The following PKP4 variants were observed in gnomAD, a reference collection of about 807,000 sequenced individuals.
The protein encoded by PKP4 is plakophilin-4.
A neutral mutation model predicts 145.1 loss-of-function variants in PKP4; 90 were observed. That is an observed-to-expected ratio of 0.62 (90% CI 0.52 to 0.74). The LOEUF (loss-of-function observed/expected upper bound fraction) is 0.74. Among genes scored for constraint, PKP4 ranks in the 30% least tolerant of loss-of-function variants. The probability of loss-of-function intolerance (pLI) is 0.00; values close to 1 mark genes in which losing one functional copy is unlikely to be tolerated. For missense variants in PKP4, 1,340 were observed against 1,482.7 expected, an observed-to-expected ratio of 0.90 and a Z score of 1.58; for synonymous variants, 563 against 577.2, an observed-to-expected ratio of 0.98 and a Z score of 0.35.
intron 1 of PKP4, among the ~76,000 whole-genome samples, chr2:158,525,955 A>C (rs1469104549): frequency 6.6e-6 from 1 of 151,340 alleles, no homozygotes; most frequent in Non-Finnish European, 1.5e-5. Flanking sequence ...ATCTCTGAAT[A>C]GACCAATAAC....
rs374312548 is a variant in PKP4, at chr2:158,610,155, G to A, written c.280+7051G>A. Among the ~76,000 whole-genome samples the A allele has an allele frequency of 7.9e-5, 12 of 151,984 alleles. 2 individuals are homozygous for A. The highest frequency in any genetic ancestry group is 6.6e-4 in the Admixed American group (10 of 15,254). On this transcript the variant is annotated intron_variant, in intron 4 of 21. Coordinates refer to ENST00000389759, the MANE Select transcript of PKP4 (RefSeq NM_003628.6). ...GCACATCTTTTGTGTTTTTTTATGA[G>A]GAGCAGTTTATTTATGTTTCAGCTT...
chr2:158,505,033 G>C (rs1227814683), intron 1 of PKP4, among the ~76,000 whole-genome samples: 2 of 152,142 alleles, frequency 1.3e-5, no homozygotes, highest in African/African-American at 4.8e-5. Context: ...AGTGTTTTCA[G>C]GTGGAAATTA....
intron 1 of PKP4, among the ~76,000 whole-genome samples, chr2:158,499,234 A>G (rs1696201243): frequency 6.6e-6 from 1 of 152,096 alleles, no homozygotes; most frequent in Admixed American, 6.5e-5. Flanking sequence ...TTAATTAAAA[A>G]ATGGGCCCCT....
In PKP4 at chr2:158,533,332, G is replaced by C. The variant is rs1474171570; in HGVS notation, c.132+16G>C. 9.3e-6 allele frequency: 15 copies of C among 1,613,518 alleles called. No individual in the cohort carries two copies. The highest frequency in any genetic ancestry group is 2.7e-5 in the African/African-American group (2 of 74,918). Reference sequence around the variant, plus strand: ...GAAGGAGCAGGTACATCCTCGTATTGAAAGTTGCAGTGAATTATTTCTTTA... The same window carrying C: ...GAAGGAGCAGGTACATCCTCGTATTCAAAGTTGCAGTGAATTATTTCTTTA... On this transcript the variant is annotated intron_variant, in intron 2 of 21. Transcript: ENST00000389759.
Position 158,577,156 on chromosome 2 carries a change from A to G in PKP4, c.133-115A>G, listed in dbSNP as rs6712810. On this transcript the variant is annotated intron_variant, in intron 2 of 21. Transcript: ENST00000389759. The stretch of plus-strand genomic sequence containing the variant: ...AAATTGCATTTCACAAAGCCACACC[A>G]TAGCTTTATGTTATGGGTACGTTCC... 0.033 allele frequency: 19,239 copies of G among 588,318 alleles called. 1,126 individuals carry two copies. Among genetic ancestry groups the G allele is most frequent in the African/African-American group, 0.19 (9,695 of 52,138 alleles). 36.4% of individuals were successfully genotyped at this position (588,318 alleles called of 1,614,324 possible).
intron 1 of PKP4, among the ~76,000 whole-genome samples, chr2:158,516,658 CTTTT>C (rs764067744): frequency 7.5e-6 from 1 of 132,460 alleles, no homozygotes; most frequent in Non-Finnish European, 1.6e-5. Context: ...ATATACTTTT[CTTTT>C]TTTTTTTTTT....
At chr2:158,613,985 A>G (rs2105876629) in intron 4 of PKP4, among the ~76,000 whole-genome samples, 1 of 152,298 alleles carries the variant, frequency 6.6e-6, no homozygotes, top group Non-Finnish European at 1.5e-5. Context: ...AAATTGAGGG[A>G]CTTAAATCAG....
chr2:158,468,955 G>GT (rs1048299857), intron 1 of PKP4, among the ~76,000 whole-genome samples: 4 of 151,260 alleles, frequency 2.6e-5, no homozygotes, highest in African/African-American at 9.7e-5. Context: ...TTTTGTTTTT[G>GT]TTTTTTGTAG....
At chr2:158,583,490 C>T (rs998448577) in intron 3 of PKP4, among the ~76,000 whole-genome samples, 1 of 152,148 alleles carries the variant, frequency 6.6e-6, no homozygotes, top group Non-Finnish European at 1.5e-5. Flanking sequence ...CTGAATCTAT[C>T]ATTCAGAGAT....
At chr2:158,581,618 G>A (rs1239156464) in intron 3 of PKP4, among the ~76,000 whole-genome samples, 6 of 152,154 alleles carry the variant, frequency 3.9e-5, no homozygotes, top group African/African-American at 1.2e-4. Context: ...CCTCTTCCCC[G>A]AATGGGTGGC....
intron 7 of PKP4, among the ~76,000 whole-genome samples, chr2:158,626,760 CTG>C (rs2052834400): frequency 6.6e-6 from 1 of 152,132 alleles, no homozygotes; most frequent in Non-Finnish European, 1.5e-5. Flanking sequence ...TGAGTTATGA[CTG>C]AGGTTGAAGA....
chr2:158,529,182 C>T (rs1197891262), intron 1 of PKP4, among the ~76,000 whole-genome samples: 1 of 152,176 alleles, frequency 6.6e-6, no homozygotes, highest in Non-Finnish European at 1.5e-5. Flanking sequence ...TCCGTTATTG[C>T]TCCAACCTTT....
chr2:158,515,967 C>T (rs2041904664), intron 1 of PKP4, among the ~76,000 whole-genome samples: 1 of 151,616 alleles, frequency 6.6e-6, no homozygotes, highest in Non-Finnish European at 1.5e-5. Flanking sequence ...GATCGTGTGA[C>T]CTAGGAGTTC....
rs1379739584 is a variant in PKP4 at position 158,615,104 on chromosome 2, G to A, written c.281-5886G>A. Among the ~76,000 whole-genome samples, 9 of 151,590 alleles carry A rather than the reference G, an allele frequency of 5.9e-5. 1 individual carries two copies. The South Asian group carries it at 1.9e-3, about 31-fold the overall frequency. ...TGATAGTGAATATCATCCTTTATAGGTTTGTGTTTTTAAGAAGGTTTTTTT... is the reference window on the plus strand; with the variant it reads ...TGATAGTGAATATCATCCTTTATAGATTTGTGTTTTTAAGAAGGTTTTTTT... On this transcript the variant is annotated intron_variant, in intron 4 of 21. Transcript: ENST00000389759.
At chr2:158,496,335 T>C (rs1695707801) in intron 1 of PKP4, among the ~76,000 whole-genome samples, 1 of 152,168 alleles carries the variant, frequency 6.6e-6, no homozygotes, top group Admixed American at 6.5e-5. Flanking sequence ...ACCTAATAAA[T>C]GCCATGTTAT....
intron 1 of PKP4, among the ~76,000 whole-genome samples, chr2:158,510,474 T>C (rs748789445): frequency 3.9e-5 from 6 of 152,216 alleles, no homozygotes; most frequent in Non-Finnish European, 7.3e-5. Flanking sequence ...TGCGTGTTGC[T>C]AAGACTTGAA....
intron 2 of PKP4, among the ~76,000 whole-genome samples, chr2:158,542,970 A>G (rs1264308972): frequency 6.6e-6 from 1 of 152,164 alleles, no homozygotes; most frequent in African/African-American, 2.4e-5. Flanking sequence ...CATTGTACTT[A>G]ATTCTATAAG....
At chr2:158,590,312 A>AGTAT (rs2049147382) in intron 3 of PKP4, among the ~76,000 whole-genome samples, 1 of 124,214 alleles carries the variant, frequency 8.1e-6, no homozygotes. Flanking sequence ...GAATGTCTTG[A>AGTAT]GTGTGTGTGT....
At chr2:158,674,436 T>C (rs2057826275) in intron 19 of PKP4, among the ~76,000 whole-genome samples, 1 of 152,220 alleles carries the variant, frequency 6.6e-6, no homozygotes, top group African/African-American at 2.4e-5. Flanking sequence ...TGAAACCTTT[T>C]AGAAGCAGGG....
Sources: gnomAD v4.1 joint callset for allele counts (sites outside exome capture counted in the v4.1 genomes callset) on GRCh38, gnomAD v4.1.1 for gene constraint, MANE v1.5 for transcripts, NCBI Gene and HGNC (gene_info 2026-07-23, HGNC 2026-07-21) for gene names.